Variants in CEP104 observed in about 807,000 individuals in gnomAD.
CEP104 encodes centrosomal protein 104, also known as centrosomal protein of 104 kDa.
CEP104 carries 84 observed loss-of-function variants against 113.3 expected under a neutral mutation model. The ratio of observed to expected loss-of-function variants is 0.74; its 90% CI spans 0.62 to 0.89. The LOEUF is 0.89. CEP104 is among the 40% of genes least tolerant of loss of function. The pLI is 0.00. For synonymous variants in CEP104, 378 were observed against 421.7 expected, an observed-to-expected ratio of 0.90 and a Z score of 1.27; for missense variants, 1,053 against 1,156.6, an observed-to-expected ratio of 0.91 and a Z score of 1.30.
At chr1:3,834,525 T>A (rs1382453227) in intron 11 of CEP104, among the ~76,000 whole-genome samples, 1 of 152,254 alleles carries the variant, frequency 6.6e-6, no homozygotes, top group Admixed American at 6.5e-5. Flanking sequence ...GAAGCCCAAC[T>A]GTGCAATGTC....
chr1:3,831,175 G>A lies in CEP104; in HGVS notation c.1707C>T (p.Ser569=). The change falls in exon 13 of 22, where the codon TCC becomes TCT. Residue 569 remains serine, a synonymous_variant. Coordinates refer to ENST00000378230, the MANE Select transcript of CEP104 (RefSeq NM_014704.4). ...KEVKSLQIIP[S]YLVQPLKANS... Reference sequence around the variant, plus strand: ...TTGCTTTCAATGGCTGCACCAGGTAGGATGGAATAATTTGGAGAGACTTAA... The same window carrying A: ...TTGCTTTCAATGGCTGCACCAGGTAAGATGGAATAATTTGGAGAGACTTAA... 1 of 1,614,214 alleles carries A rather than the reference G, an allele frequency of 6.2e-7. No homozygotes were observed. The highest frequency in any genetic ancestry group is 8.5e-7 in the Non-Finnish European group (1 of 1,180,014).
At chr1:3,829,685 A>T in intron 14 of CEP104, 106 bp downstream of exon 14, 1 of 1,212,888 alleles carries the variant, frequency 8.2e-7, no homozygotes, top group Non-Finnish European at 1.2e-6. Context: ...GGGGCTTCCC[A>T]TACATGTGGC....
At chr1:3,830,482 C>G (rs1644182009) in intron 13 of CEP104, among the ~76,000 whole-genome samples, 1 of 152,156 alleles carries the variant, frequency 6.6e-6, no homozygotes, top group Admixed American at 6.5e-5. Context: ...GTTATTGTCT[C>G]TTAAAGACAG....
rs185814095 is a variant in CEP104, at chr1:3,836,778, C to T, written c.1120-86G>A. ...GCAACTCTCACTGGCAGGCTTACTG[C>T]GCTTACTTACCTGATCTGAAAGATG... On this transcript the variant is annotated intron_variant, in intron 9 of 21. Transcript: ENST00000378230. 1.1e-4 allele frequency: 131 copies of T among 1,145,466 alleles called. 2 individuals are homozygous for T. Among genetic ancestry groups the T allele is most frequent in the East Asian group, 1.0e-3 (43 of 41,634 alleles). The allele number at this position is 1,145,466 out of a possible 1,614,324, so 71.0% of individuals were successfully genotyped here.
rs548824624 is a variant in CEP104, at chr1:3,823,424, G to C, written c.2503C>G (p.Pro835Ala). The C allele has an allele frequency of 6.2e-7, 1 of 1,614,166 alleles. No homozygotes were observed. Among genetic ancestry groups the C allele is most frequent in the Admixed American group, 1.7e-5 (1 of 60,024 alleles). The stretch of plus-strand genomic sequence containing the variant: ...CGGGAGCCTGGGAAGGGGCACTCAC[G>C]GTTGCAATCCTTGTGTTTTATGTGT... ...PRHIKHKDCN[P>A]AKPEKLANRC... The change falls in exon 19 of 22, where the codon CCT (proline) becomes GCT (alanine). Residue 835 changes from proline to alanine, a missense_variant and splice_region_variant. Physicochemically the swap from Pro to Ala is conservative, Grantham distance 27. Transcript: ENST00000378230. The surrounding 1 kb of genome is among the most constrained non-coding windows in gnomAD (Gnocchi z 4.1).
chr1:3,836,100 G>A (rs1444624428), intron 10 of CEP104, among the ~76,000 whole-genome samples: 1 of 151,972 alleles, frequency 6.6e-6, no homozygotes, highest in Non-Finnish European at 1.5e-5. Context: ...AGGAGATCGA[G>A]ACCATCCTGG....
At chr1:3,845,243 T>C in intron 5 of CEP104, 46 bp downstream of exon 5, 4 of 1,316,504 alleles carry the variant, frequency 3.0e-6, no homozygotes, top group Non-Finnish European at 4.3e-6. Context: ...TCCCTCCCAT[T>C]ATAAATAGAT....
At chr1:3,846,326 G>A (rs1329258991) in intron 4 of CEP104, among the ~76,000 whole-genome samples, 3 of 152,032 alleles carry the variant, frequency 2.0e-5, no homozygotes, top group Non-Finnish European at 2.9e-5. Flanking sequence ...ACCCCACACC[G>A]CTTCCAAAAA....
intron 1 of CEP104, among the ~76,000 whole-genome samples, 162 bp from the exon 2 acceptor site, chr1:3,852,583 CT>C (rs1454087370): frequency 2.6e-5 from 4 of 152,106 alleles, no homozygotes; most frequent in Admixed American, 1.3e-4. Flanking sequence ...TTGTTAAACA[CT>C]TTTATAGATG....
chr1:3,839,402 G>A (rs186706388), intron 7 of CEP104, among the ~76,000 whole-genome samples: 2 of 152,236 alleles, frequency 1.3e-5, no homozygotes, highest in South Asian at 2.1e-4. Context: ...ACACCTGAAC[G>A]TGAGTCTGAA....
intron 18 of CEP104, among the ~76,000 whole-genome samples, 189 bp downstream of exon 18, chr1:3,825,569 G>A (rs142172694): frequency 2.6e-5 from 4 of 152,330 alleles, no homozygotes; most frequent in Admixed American, 6.5e-5. Context: ...GCATGTTTCC[G>A]GTTCACTGGG....
chr1:3,847,254 G>A (rs1485176348), intron 4 of CEP104, among the ~76,000 whole-genome samples: 1 of 151,014 alleles, frequency 6.6e-6, no homozygotes, highest in East Asian at 1.9e-4. Context: ...GGTGATGCTG[G>A]CAGCAGCTCT....
intron 13 of CEP104, among the ~76,000 whole-genome samples, chr1:3,830,619 GA>G (rs1284269597): frequency 6.6e-6 from 1 of 151,644 alleles, no homozygotes; most frequent in Non-Finnish European, 1.5e-5. Flanking sequence ...TAAAATACAC[GA>G]AAAAATTAGC....
chr1:3,821,093 C>T (rs1643963153), intron 20 of CEP104, among the ~76,000 whole-genome samples: 1 of 152,220 alleles, frequency 6.6e-6, no homozygotes, highest in Admixed American at 6.5e-5. Flanking sequence ...GGGCATGAGG[C>T]CCCCAGCGCT....
rs751813032 is a variant in CEP104 at position 3,839,658 on chromosome 1, G to T, written c.685C>A (p.Arg229Ser). 1 of 1,613,964 alleles carries T rather than the reference G, an allele frequency of 6.2e-7. No homozygotes were observed. The highest frequency in any genetic ancestry group is 1.1e-5 in the South Asian group (1 of 91,038). The change falls in exon 7 of 22, where the codon CGC (arginine) becomes AGC (serine). Residue 229 changes from arginine to serine, a missense_variant. By Grantham distance (110) the Arg-to-Ser change is moderately radical (BLOSUM62 -1). Coordinates refer to ENST00000378230, the MANE Select transcript of CEP104 (RefSeq NM_014704.4). ...TTTAGTTTCTTGGCATAATCATAGC[G>T]TTCCTTTTGGACAGCTTCCCGTTTT... The part of the protein sequence containing the change: ...ERKREAVQKE[R>S]YDYAKKLKQA...
Position 3,832,030 on chromosome 1 carries a change from T to C in CEP104, c.1660-808A>G, listed in dbSNP as rs989507391. ...CACTAACCGGCACACTGGTGCACAA[T>C]TGTAACCCTCGATAGATTGCCTTAA... On this transcript the variant is annotated intron_variant, in intron 12 of 21. Coordinates refer to ENST00000378230, the MANE Select transcript of CEP104 (RefSeq NM_014704.4). Among the ~76,000 whole-genome samples the C allele has an allele frequency of 5.9e-5, 9 of 152,154 alleles. No individual in the cohort carries two copies. The East Asian group carries it at 7.7e-4, about 13-fold the overall frequency.
At chr1:3,822,882 AC>A in intron 20 of CEP104, 1 of 351,324 alleles carries the variant, frequency 2.8e-6, no homozygotes. Flanking sequence ...AAAGGCAATG[AC>A]CAGAACAAAA....
chr1:3,826,694 A>AC lies in CEP104; in HGVS notation c.2188+13_2188+14insG. 6.2e-7 allele frequency: 1 copy of AC among 1,613,888 alleles called. No individual in the cohort carries two copies. The highest frequency in any genetic ancestry group is 8.5e-7 in the Non-Finnish European group (1 of 1,179,852). ...CACACCCCAGTTCTTTGTGCACCCC[A>AC]ATTCTTTACATACCCTGATTCTTTG... On this transcript the variant is annotated intron_variant, in intron 16 of 21. Transcript: ENST00000378230.
chr1:3,829,985 C>T lies in CEP104; in HGVS notation c.1849G>A (p.Ala617Thr), dbSNP rs777276331. Residue 617 changes from alanine (A) to threonine (T), a missense_variant, in exon 14 of 22, where the codon GCC (alanine) becomes ACC (threonine). By Grantham distance (58) the Ala-to-Thr change is moderately conservative. Coordinates refer to ENST00000378230, the MANE Select transcript of CEP104 (RefSeq NM_014704.4). ...IDNVMKFSVS[A>T]LEHRVYEVRE... Reference sequence around the variant, plus strand: ...ACCTCATACACTCTATGCTCCAGGGCACTCACTGAAAACTAAAGTTGGGAG... The same window carrying T: ...ACCTCATACACTCTATGCTCCAGGGTACTCACTGAAAACTAAAGTTGGGAG... 9.3e-6 allele frequency: 15 copies of T among 1,613,744 alleles called. No individual in the cohort carries two copies. Among genetic ancestry groups the T allele is most frequent in the Non-Finnish European group, 1.3e-5 (15 of 1,179,684 alleles).
Sources: gnomAD v4.1 joint callset for allele counts (sites outside exome capture counted in the v4.1 genomes callset) on GRCh38, gnomAD v4.1.1 for gene constraint, Gnocchi (gnomAD v3.1) non-coding constraint, MANE v1.5 for transcripts, NCBI Gene and HGNC (gene_info 2026-07-23, HGNC 2026-07-21) for gene names.